The following ZC3H12D variants were observed in gnomAD, a reference collection of about 807,000 sequenced individuals.
ZC3H12D encodes the protein zinc finger CCCH-type containing 12D.
ZC3H12D carries 11 observed loss-of-function variants against 24.2 expected under a neutral mutation model. The observed-to-expected ratio is 0.46, with a 90% confidence interval of 0.29 to 0.75. The LOEUF is 0.75. Ranked by LOEUF, ZC3H12D falls within the 30% of genes least tolerant of loss-of-function variation. ZC3H12D has a pLI of 0.11. For synonymous variants in ZC3H12D, 333 were observed against 341.8 expected (o/e 0.97, Z 0.28); for missense variants, 740 against 767.7 (o/e 0.96, Z 0.43).
intron 2 of ZC3H12D, among the ~76,000 whole-genome samples, chr6:149,463,399 C>T (rs1186347694): frequency 3.9e-5 from 6 of 152,278 alleles, no homozygotes; most frequent in East Asian, 1.9e-4. Context: ...TGATGTGATG[C>T]GTTGTGATGA....
At chr6:149,472,922 C>T (rs1265439611) in intron 2 of ZC3H12D, among the ~76,000 whole-genome samples, 1 of 152,162 alleles carries the variant, frequency 6.6e-6, no homozygotes, top group African/African-American at 2.4e-5. Context: ...CTAGGACCCT[C>T]AGAACCTACT....
In ZC3H12D at chr6:149,456,801, T is replaced by TAGC. The variant is rs769677373; in HGVS notation, c.542_544dup (p.Arg181_Tyr182insCys). The TAGC allele has an allele frequency of 6.2e-7, 1 of 1,613,312 alleles. No homozygotes were observed. ...CTGCTCGTAGGCCACCTTCACGATG[T>TAGC]AGCGGTCGTCGTAGCAGACCAGGCG... On this transcript the variant is annotated inframe_insertion, in exon 4 of 6. Transcript: ENST00000409806. This position sits in a 1 kb window ranked among gnomAD's most constrained non-coding sequence, Gnocchi z 4.3.
rs1239634737 is a variant in ZC3H12D at position 149,461,826 on chromosome 6, C to T, written c.445+5G>A. Reference sequence around the variant, plus strand: ...CCTCTTGAGCATACATCTGCTCCAGCATACCTCTGATAGGGGTGTCAGCTC... The same window carrying T: ...CCTCTTGAGCATACATCTGCTCCAGTATACCTCTGATAGGGGTGTCAGCTC... On this transcript the variant is annotated splice_donor_5th_base_variant and intron_variant, in intron 3 of 5. Coordinates refer to ENST00000409806, the MANE Select transcript of ZC3H12D (RefSeq NM_207360.3). The T allele has an allele frequency of 1.3e-6, 2 of 1,555,396 alleles. No homozygotes were observed. The highest frequency in any genetic ancestry group is 3.9e-5 in the Admixed American group (2 of 51,012).
chr6:149,478,820 C>T (rs890721745), intron 1 of ZC3H12D, among the ~76,000 whole-genome samples: 1 of 152,094 alleles, frequency 6.6e-6, no homozygotes, highest in Non-Finnish European at 1.5e-5. Flanking sequence ...TCACCCCATA[C>T]CTGATGACTG....
intron 1 of ZC3H12D, among the ~76,000 whole-genome samples, chr6:149,479,791 G>A (rs1197980247): frequency 2.0e-5 from 3 of 152,024 alleles, no homozygotes; most frequent in African/African-American, 7.3e-5. Context: ...TCCCACCTTA[G>A]CCTACTAAGT....
At chr6:149,480,984 C>T (rs544773100) in intron 1 of ZC3H12D, among the ~76,000 whole-genome samples, 1 of 151,896 alleles carries the variant, frequency 6.6e-6, no homozygotes, top group African/African-American at 2.4e-5. Context: ...GGTGACCAGT[C>T]CTTCTCTCTC....
At chr6:149,481,787 G>C (rs1378594456) in intron 1 of ZC3H12D, among the ~76,000 whole-genome samples, 2 of 152,198 alleles carry the variant, frequency 1.3e-5, no homozygotes, top group African/African-American at 2.4e-5. Context: ...AGTAAAGGCT[G>C]CATGGCTAGT....
chr6:149,461,627 G>A (rs1776073350), intron 3 of ZC3H12D: 1 of 393,136 alleles, frequency 2.5e-6, no homozygotes, highest in Non-Finnish European at 4.4e-6. Context: ...ACTACTTGTT[G>A]AATACCAGGT....
At position 149,452,649 on chromosome 6, in the gene ZC3H12D, G is replaced by T. The variant is rs779506279; in HGVS notation, c.754C>A (p.Pro252Thr). Residue 252 changes from proline (P) to threonine (T), a missense_variant, in exon 5 of 6, where the codon CCC becomes ACC. Pro to Thr is a conservative substitution (Grantham distance 38). Transcript: ENST00000409806. This position sits in a 1 kb window ranked among gnomAD's most constrained non-coding sequence, Gnocchi z 4.0. ...CAATGCTGCCAGGATGGCTCTGGGG[G>T]CTTCGGCTTCCTGCTCAGGAAGTTG... The part of the protein sequence containing the change: ...LSNFLSRKPK[P>T]PEPSWQHCPY... 5 of 1,603,784 alleles carry T rather than the reference G, an allele frequency of 3.1e-6. No individual in the cohort carries two copies. In the Admixed American group the frequency reaches 5.1e-5, roughly 16 times the overall value.
chr6:149,473,559 C>T (rs1320580095), intron 2 of ZC3H12D, among the ~76,000 whole-genome samples: 2 of 152,280 alleles, frequency 1.3e-5, no homozygotes, highest in African/African-American at 2.4e-5. Flanking sequence ...ACAACTCGGG[C>T]GTGAGGCTGG....
In ZC3H12D at chr6:149,465,768, G is replaced by T. The variant is rs375595326; in HGVS notation, c.306-3798C>A. On this transcript the variant is annotated intron_variant, in intron 2 of 5. Transcript: ENST00000409806. ...AGACGCCATCTCAAAAAAAAAAAAG[G>T]GGGGGGGAAGAGGAAGCAGATCGCT... Among the ~76,000 whole-genome samples the T allele has an allele frequency of 3.0e-3, 420 of 137,776 alleles. 2 individuals carry two copies. The highest frequency in any genetic ancestry group is 0.012 in the African/African-American group (394 of 33,292). The allele number at this position is 137,776 out of a possible 152,430, so 90.4% of individuals were successfully genotyped here.
chr6:149,477,839 G>A (rs1171190716), intron 1 of ZC3H12D, among the ~76,000 whole-genome samples: 1 of 152,136 alleles, frequency 6.6e-6, no homozygotes, highest in Non-Finnish European at 1.5e-5. Flanking sequence ...GGAAGCCCGG[G>A]GGACTCCAAG....
chr6:149,480,740 A>G (rs28695440), intron 1 of ZC3H12D, among the ~76,000 whole-genome samples: 1 of 136,810 alleles, frequency 7.3e-6, no homozygotes, highest in African/African-American at 3.3e-5. Context: ...CTGTCTCAAA[A>G]AAAACAAAAA....
Position 149,452,495 on chromosome 6 carries a change from G to C in ZC3H12D, c.787+121C>G, listed in dbSNP as rs529743034. 1.3e-6 allele frequency: 1 copy of C among 763,078 alleles called. No homozygotes were observed. Among genetic ancestry groups the C allele is most frequent in the Non-Finnish European group, 2.0e-6 (1 of 506,360 alleles). 47.3% of individuals were successfully genotyped at this position (763,078 alleles called of 1,614,324 possible). ...AACTCTCCAGGTAGCACAGCTGGAG[G>C]GCAGAACTTGGGCAAGAGCCCAGGC... is the stretch of plus-strand genomic sequence containing the variant. On this transcript the variant is annotated intron_variant, in intron 5 of 5. Transcript: ENST00000409806. This position sits in a 1 kb window ranked among gnomAD's most constrained non-coding sequence, Gnocchi z 4.0.
chr6:149,453,870 T>C (rs1342701405), intron 4 of ZC3H12D, among the ~76,000 whole-genome samples: 1 of 152,070 alleles, frequency 6.6e-6, no homozygotes, highest in Non-Finnish European at 1.5e-5. Flanking sequence ...CTCTATCATC[T>C]CTAAATAAAC....
chr6:149,450,919 A>G lies in ZC3H12D; in HGVS notation c.1348T>C (p.Ser450Pro). The G allele has an allele frequency of 6.5e-7, 1 of 1,539,960 alleles. No individual in the cohort carries two copies. The highest frequency in any genetic ancestry group is 2.4e-5 in the East Asian group (1 of 40,884). ...CCCCAGGCCGGCTCCGCCCAGACGG[A>G]GCGCCCAGGGAAGCGGTCGGAGCGG... is the stretch of plus-strand genomic sequence containing the variant. The part of the protein sequence containing the change: ...PPRSDRFPGR[S>P]VWAEPAWGDG... The change falls in exon 6 of 6, where the codon TCC becomes CCC. Residue 450 changes from serine to proline, a missense_variant. By Grantham distance (74) the Ser-to-Pro change is moderately conservative. Transcript: ENST00000409806.
In ZC3H12D at chr6:149,452,020, C is replaced by T. The variant is rs1261972478; in HGVS notation, c.788-541G>A. The T allele has an allele frequency of 6.5e-6, 1 of 153,194 alleles. No homozygotes were observed. The highest frequency in any genetic ancestry group is 2.4e-5 in the African/African-American group (1 of 41,494). The allele number at this position is 153,194 out of a possible 1,614,324, so 9.5% of individuals were successfully genotyped here. A position where few individuals can be genotyped will look rare whatever the true frequency, so the allele number is the denominator to read the frequency against. On this transcript the variant is annotated intron_variant, in intron 5 of 5. Transcript: ENST00000409806. This position sits in a 1 kb window ranked among gnomAD's most constrained non-coding sequence, Gnocchi z 4.0. ...ATGGTCAAGTGTTACTATCCAAACCCAAGGCTTCTGAGAGTGAAAGGGGGA... is the reference window on the plus strand; with the variant it reads ...ATGGTCAAGTGTTACTATCCAAACCTAAGGCTTCTGAGAGTGAAAGGGGGA...
At chr6:149,457,737 G>C (rs891251024) in intron 3 of ZC3H12D, among the ~76,000 whole-genome samples, 4 of 152,092 alleles carry the variant, frequency 2.6e-5, no homozygotes, top group Non-Finnish European at 5.9e-5. Context: ...CATCCCAGGA[G>C]GGTCAGCTGT....
At chr6:149,453,193 C>T (rs957568783) in intron 4 of ZC3H12D, among the ~76,000 whole-genome samples, 2 of 149,678 alleles carry the variant, frequency 1.3e-5, no homozygotes, top group Non-Finnish European at 3.0e-5. Flanking sequence ...CCCAGCTACT[C>T]GGGAGGCTGA....
Sources: gnomAD v4.1 joint callset for allele counts (sites outside exome capture counted in the v4.1 genomes callset) on GRCh38, gnomAD v4.1.1 for gene constraint, Gnocchi (gnomAD v3.1) non-coding constraint, MANE v1.5 for transcripts, NCBI Gene and HGNC (gene_info 2026-07-23, HGNC 2026-07-21) for gene names.